PLCG1: variants seen among roughly 807,000 people sequenced by gnomAD.
The protein encoded by PLCG1 is 1-phosphatidylinositol 4,5-bisphosphate phosphodiesterase gamma-1.
Under a neutral mutation model 177.8 loss-of-function variants are expected in PLCG1, and 71 were observed. That is an observed-to-expected ratio of 0.40 (90% CI 0.33 to 0.49). The LOEUF is 0.49. PLCG1 is among the 20% of genes least tolerant of loss of function. PLCG1 has a pLI of 0.72. For synonymous variants in PLCG1, 658 were observed against 647.9 expected, an observed-to-expected ratio of 1.02 and a Z score of -0.24; for missense variants, 1,281 against 1,709.0, an observed-to-expected ratio of 0.75 and a Z score of 4.42.
At position 41,163,972 on chromosome 20, in the gene PLCG1, T is replaced by G. The variant is rs2035599896; in HGVS notation, c.1062T>G (p.Ala354=). The change falls in exon 11 of 32, where the codon GCT becomes GCG. Residue 354 remains alanine, a synonymous_variant. Transcript: ENST00000685551. The surrounding 1 kb of genome is among the most constrained non-coding windows in gnomAD (Gnocchi z 5.2). ...GTGAGTCCTCCTTGGAAGCCTATGC[T>G]CGCTGCCTGCGGATGGGCTGTCGCT... The part of the protein sequence containing the change: ...FSSESSLEAY[A]RCLRMGCRCI... 1 of 1,614,042 alleles carries G rather than the reference T, an allele frequency of 6.2e-7. No individual in the cohort carries two copies. The highest frequency in any genetic ancestry group is 8.5e-7 in the Non-Finnish European group (1 of 1,180,024).
chr20:41,174,334 A>G lies in PLCG1; in HGVS notation c.3833+23A>G, dbSNP rs777557256. ...AAGGTGAGGAAGATGGAGGGGTGCT[A>G]GAGCCAGGAAGGCAGTGGCTAGGTC... On this transcript the variant is annotated intron_variant, in intron 31 of 31. Coordinates refer to ENST00000685551, the MANE Select transcript of PLCG1 (RefSeq NM_002660.3). This position sits in a 1 kb window ranked among gnomAD's most constrained non-coding sequence, Gnocchi z 5.8. 1 of 1,609,366 alleles carries G rather than the reference A, an allele frequency of 6.2e-7. No individual in the cohort carries two copies. The highest frequency in any genetic ancestry group is 8.5e-7 in the Non-Finnish European group (1 of 1,175,852).
rs1008889218 is a variant in PLCG1, at chr20:41,150,038, A to G, written c.218-9568A>G. On this transcript the variant is annotated intron_variant, in intron 1 of 31. Transcript: ENST00000685551. The surrounding 1 kb of genome is among the most constrained non-coding windows in gnomAD (Gnocchi z 4.0). ...GCAAAACACCATCTCTGCAAAAAAT[A>G]TAATCAGCCTGGCGTTGTGGTTTGC... 6.6e-6 allele frequency among the ~76,000 whole-genome samples: 1 copy of G among 152,178 alleles called. No homozygotes were observed. Among genetic ancestry groups the G allele is most frequent in the African/African-American group, 2.4e-5 (1 of 41,432 alleles).
rs562349601 is a variant in PLCG1 at position 41,157,616 on chromosome 20, A to T, written c.218-1990A>T. 4.6e-5 allele frequency among the ~76,000 whole-genome samples: 7 copies of T among 152,304 alleles called. No individual in the cohort carries two copies. Among genetic ancestry groups the T allele is most frequent in the African/African-American group, 1.4e-4 (6 of 41,556 alleles). ...TGTGAGCATGTATGTACGTGTTTGT[A>T]TGCACGAGGCATCAAGTGTATTAGT... On this transcript the variant is annotated intron_variant, in intron 1 of 31. Coordinates refer to ENST00000685551, the MANE Select transcript of PLCG1 (RefSeq NM_002660.3). This position sits in a 1 kb window ranked among gnomAD's most constrained non-coding sequence, Gnocchi z 5.4.
rs1190896684 is a variant in PLCG1 at position 41,144,476 on chromosome 20, G to A, written c.217+6618G>A. ...TCATCCTTGCCACAACACCGGTGTC[G>A]AGATGCTTGGCCCACCCAGACCTTT... On this transcript the variant is annotated intron_variant, in intron 1 of 31. Transcript: ENST00000685551. This position sits in a 1 kb window ranked among gnomAD's most constrained non-coding sequence, Gnocchi z 4.1. Among the ~76,000 whole-genome samples, 1 of 152,132 alleles carries A rather than the reference G, an allele frequency of 6.6e-6. No individual in the cohort carries two copies. The highest frequency in any genetic ancestry group is 6.5e-5 in the Admixed American group (1 of 15,280).
Position 41,150,047 on chromosome 20 carries a change from C to G in PLCG1, c.218-9559C>G, listed in dbSNP as rs190410340. On this transcript the variant is annotated intron_variant, in intron 1 of 31. Coordinates refer to ENST00000685551, the MANE Select transcript of PLCG1 (RefSeq NM_002660.3). The surrounding 1 kb of genome is among the most constrained non-coding windows in gnomAD (Gnocchi z 4.0). ...CATCTCTGCAAAAAATATAATCAGCCTGGCGTTGTGGTTTGCCTGTAGTCC... is the reference window on the plus strand; with the variant it reads ...CATCTCTGCAAAAAATATAATCAGCGTGGCGTTGTGGTTTGCCTGTAGTCC... Among the ~76,000 whole-genome samples, 1 of 152,244 alleles carries G rather than the reference C, an allele frequency of 6.6e-6. No homozygotes were observed. Among genetic ancestry groups the G allele is most frequent in the Non-Finnish European group, 1.5e-5 (1 of 68,016 alleles).
intron 1 of PLCG1, among the ~76,000 whole-genome samples, chr20:41,155,538 T>G (rs1376674917): frequency 6.6e-6 from 1 of 152,234 alleles, no homozygotes; most frequent in Non-Finnish European, 1.5e-5. Flanking sequence ...TATGCTTATC[T>G]GTACACAAGT....
chr20:41,155,105 C>A (rs972619523), intron 1 of PLCG1, among the ~76,000 whole-genome samples: 36 of 152,222 alleles, frequency 2.4e-4, no homozygotes, highest in Non-Finnish European at 4.4e-4. Context: ...GGAAAAGGAA[C>A]ATTGCTCTTC....
chr20:41,162,243 T>TTG (rs1555813890), intron 4 of PLCG1: 2 of 297,084 alleles, frequency 6.7e-6, no homozygotes, highest in African/African-American at 4.6e-5. Context: ...TTGTTTTTTT[T>TTG]TTTTTTTTTT....
Position 41,172,926 on chromosome 20 carries a change from G to T in PLCG1, c.3279+49G>T. On this transcript the variant is annotated intron_variant, in intron 27 of 31. Coordinates refer to ENST00000685551, the MANE Select transcript of PLCG1 (RefSeq NM_002660.3). This position sits in a 1 kb window ranked among gnomAD's most constrained non-coding sequence, Gnocchi z 7.0. ...CAGGGTAGGAAAGGGGCTGCTTGCC[G>T]TTGGAGTCTGTTTATGTTGAGTTCT... The T allele has an allele frequency of 3.8e-6, 6 of 1,584,096 alleles. No homozygotes were observed. Among genetic ancestry groups the T allele is most frequent in the Non-Finnish European group, 5.2e-6 (6 of 1,160,642 alleles).
In PLCG1 at chr20:41,167,734, G is replaced by T. The variant is rs1361555874; in HGVS notation, c.2302-118G>T. ...TCTCTACTGAGGTCGAAGGATCCCT[G>T]TGGATCAGGTGCAAGTTTGCTGCAC... On this transcript the variant is annotated intron_variant, in intron 19 of 31. Coordinates refer to ENST00000685551, the MANE Select transcript of PLCG1 (RefSeq NM_002660.3). The surrounding 1 kb of genome is among the most constrained non-coding windows in gnomAD (Gnocchi z 4.4). 1 of 724,760 alleles carries T rather than the reference G, an allele frequency of 1.4e-6. No individual in the cohort carries two copies. Among genetic ancestry groups the T allele is most frequent in the Admixed American group, 2.1e-5 (1 of 47,866 alleles). The allele number at this position is 724,760 out of a possible 1,614,324, so 44.9% of individuals were successfully genotyped here. A position where few individuals can be genotyped will look rare whatever the true frequency, so the allele number is the denominator to read the frequency against.
chr20:41,173,452 C>A lies in PLCG1; in HGVS notation c.3312C>A (p.Gly1104=). 1 of 1,610,986 alleles carries A rather than the reference C, an allele frequency of 6.2e-7. No homozygotes were observed. Among genetic ancestry groups the A allele is most frequent in the Non-Finnish European group, 8.5e-7 (1 of 1,178,122 alleles). The change falls in exon 28 of 32, where the codon GGC becomes GGA. Residue 1104 remains glycine (G), a synonymous_variant. Transcript: ENST00000685551. The surrounding 1 kb of genome is among the most constrained non-coding windows in gnomAD (Gnocchi z 6.2). ...VLGARHLPKN[G]RGIVCPFVEI... ...GGGCCCGACATCTGCCAAAGAATGG[C>A]CGAGGCATTGTGTGTCCTTTTGTGG...
rs2035127449 is a variant in PLCG1, at chr20:41,150,331, A to G, written c.218-9275A>G. Among the ~76,000 whole-genome samples, 1 of 152,192 alleles carries G rather than the reference A, an allele frequency of 6.6e-6. No individual in the cohort carries two copies. Among genetic ancestry groups the G allele is most frequent in the South Asian group, 2.1e-4 (1 of 4,826 alleles). Reference sequence around the variant, plus strand: ...AATATAAAGAAAAATTTTAAAAGTGACTTATACCCATTGCTCTGGTTCTCC... The same window carrying G: ...AATATAAAGAAAAATTTTAAAAGTGGCTTATACCCATTGCTCTGGTTCTCC... On this transcript the variant is annotated intron_variant, in intron 1 of 31. Transcript: ENST00000685551. The surrounding 1 kb of genome is among the most constrained non-coding windows in gnomAD (Gnocchi z 4.0).
In PLCG1 at chr20:41,137,549, CGCCTCA is replaced by C; in HGVS notation, c.-83_-78del. Reference sequence around the variant, plus strand: ...CCGCCGCCGGGTCCCGCTCGTCTGCCGCCTCAGCCTCAGCCCCAACCTCAGCCGCCG... The same window carrying C: ...CCGCCGCCGGGTCCCGCTCGTCTGCCGCCTCAGCCCCAACCTCAGCCGCCG... On this transcript the variant is annotated 5_prime_UTR_variant, in exon 1 of 32. Transcript: ENST00000685551. This position sits in a 1 kb window ranked among gnomAD's most constrained non-coding sequence, Gnocchi z 7.3. The C allele has an allele frequency of 3.0e-6, 2 of 666,946 alleles. No individual in the cohort carries two copies. The highest frequency in any genetic ancestry group is 4.2e-6 in the Non-Finnish European group (2 of 480,548). 41.3% of individuals were successfully genotyped at this position (666,946 alleles called of 1,614,324 possible).
intron 6 of PLCG1, 45 bp downstream of exon 6, chr20:41,162,770 C>A: frequency 6.7e-7 from 1 of 1,493,646 alleles, no homozygotes; most frequent in Non-Finnish European, 9.3e-7. Flanking sequence ...CCCTGCTCTT[C>A]CACCCCACAC....
chr20:41,172,781 C>T lies in PLCG1; in HGVS notation c.3183C>T (p.Gly1061=), dbSNP rs560698657. The T allele has an allele frequency of 6.2e-6, 10 of 1,614,200 alleles. No individual in the cohort carries two copies. The South Asian group carries it at 8.8e-5, about 14-fold the overall frequency. The change falls in exon 27 of 32, where the codon GGC becomes GGT. Residue 1061 remains glycine, a synonymous_variant. Transcript: ENST00000685551. The surrounding 1 kb of genome is among the most constrained non-coding windows in gnomAD (Gnocchi z 7.0). ...QALFMTGRHC[G]YVLQPSTMRD... ...TCTTCATGACGGGCAGGCACTGTGG[C>T]TACGTGCTGCAGCCAAGCACCATGC...
At position 41,148,216 on chromosome 20, in the gene PLCG1, G is replaced by C. The variant is rs1289814732; in HGVS notation, c.217+10358G>C. On this transcript the variant is annotated intron_variant, in intron 1 of 31. Transcript: ENST00000685551. The surrounding 1 kb of genome is among the most constrained non-coding windows in gnomAD (Gnocchi z 4.3). ...CTAAACCAACATTTACTGTCCAAGA[G>C]GTGGCAGTAACACAGAAACCAAAGA... 6.6e-6 allele frequency among the ~76,000 whole-genome samples: 1 copy of C among 152,226 alleles called. No homozygotes were observed. The highest frequency in any genetic ancestry group is 2.4e-5 in the African/African-American group (1 of 41,452).
chr20:41,138,166 A>C (rs2034671699), intron 1 of PLCG1, among the ~76,000 whole-genome samples: 1 of 151,876 alleles, frequency 6.6e-6, no homozygotes, highest in African/African-American at 2.4e-5. Context: ...GGCCCCCCAG[A>C]CCCTGGGAGT....
At chr20:41,142,395 A>T (rs1360058389) in intron 1 of PLCG1, among the ~76,000 whole-genome samples, 1 of 152,240 alleles carries the variant, frequency 6.6e-6, no homozygotes, top group Non-Finnish European at 1.5e-5. Flanking sequence ...GAGTCAGCGG[A>T]GGCTGTTGTG....
rs1375187839 is a variant in PLCG1, at chr20:41,147,948, T to G, written c.217+10090T>G. 1.3e-5 allele frequency among the ~76,000 whole-genome samples: 2 copies of G among 151,950 alleles called. No individual in the cohort carries two copies. The highest frequency in any genetic ancestry group is 4.8e-5 in the African/African-American group (2 of 41,344). Reference sequence around the variant, plus strand: ...TGAGATCAGAGTCTAGATCACTCACTGGGGCCCTGTTTCCCAGGAAGCAAA... The same window carrying G: ...TGAGATCAGAGTCTAGATCACTCACGGGGGCCCTGTTTCCCAGGAAGCAAA... On this transcript the variant is annotated intron_variant, in intron 1 of 31. Coordinates refer to ENST00000685551, the MANE Select transcript of PLCG1 (RefSeq NM_002660.3). This position sits in a 1 kb window ranked among gnomAD's most constrained non-coding sequence, Gnocchi z 4.0.
Sources: allele counts gnomAD v4.1 joint callset (sites outside exome capture counted in the v4.1 genomes callset), GRCh38; gene constraint gnomAD v4.1.1; non-coding constraint Gnocchi (gnomAD v3.1); transcripts MANE v1.5; gene names NCBI Gene and HGNC (gene_info 2026-07-23, HGNC 2026-07-21).